RGS7: variants seen among roughly 807,000 people sequenced by gnomAD.
RGS7 encodes regulator of G protein signaling 7.
RGS7 carries 27 observed loss-of-function variants against 81.1 expected under a neutral mutation model. The observed-to-expected ratio is 0.33, with a 90% confidence interval of 0.25 to 0.46. The LOEUF (loss-of-function observed/expected upper bound fraction) is 0.46, where lower values mean the gene tolerates loss of function less well. Ranked by LOEUF, RGS7 falls within the 20% of genes least tolerant of loss-of-function variation. The probability of loss-of-function intolerance (pLI) is 1.00; values close to 1 mark genes in which losing one functional copy is unlikely to be tolerated. For missense variants in RGS7, 396 were observed against 607.4 expected (o/e 0.65, Z 3.66); for synonymous variants, 208 against 207.7 (o/e 1.00, Z -0.01).
At chr1:241,297,405 G>A (rs2079490917) in intron 2 of RGS7, among the ~76,000 whole-genome samples, 1 of 152,204 alleles carries the variant, frequency 6.6e-6, no homozygotes, top group Admixed American at 6.5e-5. Context: ...ATGAGATATA[G>A]GAATATAATT....
At chr1:241,089,063 C>CTCTCTCTA (rs1374552672) in intron 3 of RGS7, among the ~76,000 whole-genome samples, 37 of 23,682 alleles carry the variant, frequency 1.6e-3, no homozygotes, top group Non-Finnish European at 2.0e-3. Flanking sequence ...CTCTCTCTCT[C>CTCTCTCTA]TATATATATA....
At chr1:241,334,600 G>C (rs558137691) in intron 2 of RGS7, among the ~76,000 whole-genome samples, 1 of 152,142 alleles carries the variant, frequency 6.6e-6, no homozygotes, top group Non-Finnish European at 1.5e-5. Context: ...AGTGGGAAGG[G>C]ACTATCCAGT....
chr1:240,844,976 C>A (rs968441713), intron 9 of RGS7, among the ~76,000 whole-genome samples: 1 of 152,148 alleles, frequency 6.6e-6, no homozygotes, highest in Non-Finnish European at 1.5e-5. Context: ...ACAAAACTGA[C>A]AATGCCAAAG....
intron 2 of RGS7, among the ~76,000 whole-genome samples, chr1:241,269,716 T>C (rs910279575): frequency 3.9e-5 from 6 of 152,214 alleles, no homozygotes; most frequent in African/African-American, 1.4e-4. Flanking sequence ...TGCTACTCTT[T>C]GAACCATAAA....
At chr1:241,124,833 G>C (rs1056388697) in intron 2 of RGS7, among the ~76,000 whole-genome samples, 1 of 152,216 alleles carries the variant, frequency 6.6e-6, no homozygotes, top group African/African-American at 2.4e-5. Context: ...GACACTGTAG[G>C]CGCTGCAGGT....
chr1:241,295,255 T>TG (rs2079342429), intron 2 of RGS7, among the ~76,000 whole-genome samples: 1 of 151,706 alleles, frequency 6.6e-6, no homozygotes, highest in African/African-American at 2.4e-5. Flanking sequence ...AAGACCAGCC[T>TG]GACGAACATG....
At chr1:241,037,359 G>A (rs1242343906) in intron 3 of RGS7, among the ~76,000 whole-genome samples, 1 of 152,130 alleles carries the variant, frequency 6.6e-6, no homozygotes, top group Non-Finnish European at 1.5e-5. Context: ...ATATCTGTTT[G>A]TATGCATATT....
At chr1:241,280,301 G>C (rs1044545450) in intron 2 of RGS7, among the ~76,000 whole-genome samples, 4 of 152,130 alleles carry the variant, frequency 2.6e-5, no homozygotes, top group Non-Finnish European at 5.9e-5. Flanking sequence ...TCCCTCCAGA[G>C]GCCAGAAGAG....
intron 2 of RGS7, among the ~76,000 whole-genome samples, chr1:241,242,944 G>A (rs970958989): frequency 9.2e-5 from 14 of 152,166 alleles, no homozygotes; most frequent in African/African-American, 3.1e-4. Context: ...TGTTTATACT[G>A]CTGATTATTT....
At chr1:240,806,065 G>GA (rs1194194819) in intron 15 of RGS7, 75 bp downstream of exon 15, 1 of 1,294,568 alleles carries the variant, frequency 7.7e-7, no homozygotes, top group Non-Finnish European at 1.1e-6. Flanking sequence ...CATTTAGAAT[G>GA]AAAATAAAAT....
intron 2 of RGS7, among the ~76,000 whole-genome samples, chr1:241,312,307 T>C (rs2080584232): frequency 2.0e-5 from 3 of 152,306 alleles, no homozygotes; most frequent in East Asian, 1.9e-4. Flanking sequence ...CAATGGCACA[T>C]TGATACATAT....
rs554682553 is a variant in RGS7, at chr1:241,045,115, A to C, written c.175+53551T>G. Among the ~76,000 whole-genome samples the C allele has an allele frequency of 9.1e-3, 1,391 of 152,212 alleles. 16 individuals are homozygous for C. The highest frequency in any genetic ancestry group is 0.032 in the African/African-American group (1,330 of 41,536). ...GTGAATTCACTTAAATTATCGTCTCATCTTTGATCTCTTCATTCAGAACAG... is the reference window on the plus strand; with the variant it reads ...GTGAATTCACTTAAATTATCGTCTCCTCTTTGATCTCTTCATTCAGAACAG... On this transcript the variant is annotated intron_variant, in intron 3 of 18. Coordinates refer to ENST00000440928, the MANE Select transcript of RGS7 (RefSeq NM_001364886.1).
intron 6 of RGS7, among the ~76,000 whole-genome samples, chr1:240,874,877 C>T (rs1665103918): frequency 6.6e-6 from 1 of 151,964 alleles, no homozygotes; most frequent in Admixed American, 6.6e-5. Context: ...CCTATCTCTA[C>T]TAAAAATACC....
chr1:241,050,253 AG>A (rs2061175516), intron 3 of RGS7, among the ~76,000 whole-genome samples: 1 of 109,210 alleles, frequency 9.2e-6, no homozygotes, highest in Admixed American at 9.1e-5. Context: ...GGGGTGCCTG[AG>A]GGGTGGCTAT....
intron 4 of RGS7, among the ~76,000 whole-genome samples, chr1:240,955,177 T>C (rs1158358469): frequency 6.6e-6 from 1 of 152,048 alleles, no homozygotes; most frequent in Non-Finnish European, 1.5e-5. Context: ...GAACTAAAGA[T>C]TCAATGCTAT....
intron 2 of RGS7, among the ~76,000 whole-genome samples, chr1:241,334,659 T>C (rs1024695053): frequency 5.3e-5 from 8 of 152,206 alleles, no homozygotes; most frequent in African/African-American, 1.9e-4. Context: ...AAGTTCTCTT[T>C]CTATACTGCA....
intron 6 of RGS7, among the ~76,000 whole-genome samples, chr1:240,909,997 C>T (rs552327791): frequency 6.6e-5 from 10 of 152,086 alleles, no homozygotes; most frequent in Non-Finnish European, 1.5e-4. Context: ...GTGCAGCAGA[C>T]GTGCTCTTCT....
rs59775668 is a variant in RGS7 at position 241,103,010 on chromosome 1, CA to C, written c.79-4249del. 3.5e-3 allele frequency among the ~76,000 whole-genome samples: 449 copies of C among 127,010 alleles called. 2 individuals are homozygous for C. Among genetic ancestry groups the C allele is most frequent in the African/African-American group, 0.01 (365 of 36,068 alleles). 83.3% of individuals were successfully genotyped at this position (127,010 alleles called of 152,430 possible). ...TGAGAAGAAAAATGCTACAAGCAAG[CA>C]AAAAAAAAAAAACAGAGCAAGTTAG... On this transcript the variant is annotated intron_variant, in intron 2 of 18. Transcript: ENST00000440928.
At chr1:240,812,142 C>T (rs1689957705) in intron 13 of RGS7, 99 bp from the exon 14 acceptor site, 2 of 1,228,542 alleles carry the variant, frequency 1.6e-6, no homozygotes, top group Non-Finnish European at 1.2e-6. Flanking sequence ...CCTCGAAGTT[C>T]CCATCTTTAC....
Sources: gnomAD v4.1 joint callset for allele counts (sites outside exome capture counted in the v4.1 genomes callset) on GRCh38, gnomAD v4.1.1 for gene constraint, MANE v1.5 for transcripts, NCBI Gene and HGNC (gene_info 2026-07-23, HGNC 2026-07-21) for gene names.